TMEM14B: variants seen among roughly 807,000 people sequenced by gnomAD.
The protein encoded by TMEM14B is transmembrane protein 14B.
A neutral mutation model predicts 14.8 loss-of-function variants in TMEM14B; 9 were observed. The ratio of observed to expected loss-of-function variants is 0.61; its 90% CI spans 0.37 to 1.06. The LOEUF is 1.06. Among genes scored for constraint, TMEM14B ranks in the 50% least tolerant of loss-of-function variants. The pLI, the probability that TMEM14B is intolerant of heterozygous loss-of-function variation, is 0.01. For missense variants in TMEM14B, 128 were observed against 143.6 expected, an observed-to-expected ratio of 0.89 and a Z score of 0.56; for synonymous variants, 40 against 51.3, an observed-to-expected ratio of 0.78 and a Z score of 0.94.
chr6:10,757,820 GTC>G (rs370946090), downstream of TMEM14B, among the ~76,000 whole-genome samples: 72 of 152,112 alleles, frequency 4.7e-4, no homozygotes, highest in East Asian at 0.014. Flanking sequence ...GTGAAACCCT[GTC>G]TCTACTAAAA....
chr6:10,750,807 A>G (rs1771521030), intron 3 of TMEM14B, among the ~76,000 whole-genome samples: 1 of 152,046 alleles, frequency 6.6e-6, no homozygotes, highest in Non-Finnish European at 1.5e-5. Flanking sequence ...GGGAGAGTCT[A>G]AAAACAGGGT....
chr6:10,750,595 G>A (rs980676365), intron 3 of TMEM14B, among the ~76,000 whole-genome samples: 1 of 152,030 alleles, frequency 6.6e-6, no homozygotes, highest in Non-Finnish European at 1.5e-5. Flanking sequence ...TCAATCGGAC[G>A]AATTCCTGGG....
chr6:10,755,374 T>A, intron 5 of TMEM14B, 142 bp downstream of exon 5: 1 of 1,531,736 alleles, frequency 6.5e-7, no homozygotes, highest in South Asian at 1.2e-5. Context: ...TAATAGGAGA[T>A]GCTTCAAAAA....
At chr6:10,757,493 GA>G (rs1230941972), downstream of TMEM14B, among the ~76,000 whole-genome samples, 2 of 151,988 alleles carry the variant, frequency 1.3e-5, no homozygotes, top group Admixed American at 6.6e-5. Flanking sequence ...AAAAGAAGAA[GA>G]AAAAAAGTGG....
intron 1 of TMEM14B, among the ~76,000 whole-genome samples, chr6:10,748,817 A>G (rs1425136785): frequency 6.6e-6 from 1 of 152,184 alleles, no homozygotes; most frequent in Admixed American, 6.5e-5. Flanking sequence ...CAACATCCCT[A>G]CCACCCCTCA....
chr6:10,754,257 C>T (rs1441409096), intron 4 of TMEM14B, among the ~76,000 whole-genome samples: 2 of 152,196 alleles, frequency 1.3e-5, no homozygotes, highest in African/African-American at 4.8e-5. Context: ...TTTTATGCAT[C>T]CCTCTGCTTA....
downstream of TMEM14B, among the ~76,000 whole-genome samples, chr6:10,757,378 A>G (rs1476466814): frequency 2.6e-5 from 4 of 152,118 alleles, no homozygotes; most frequent in South Asian, 2.1e-4. Flanking sequence ...TCAGGCTGCT[A>G]TCAAACTCCT....
At chr6:10,748,256 G>T (rs1414192842) in intron 1 of TMEM14B, among the ~76,000 whole-genome samples, 2 of 151,638 alleles carry the variant, frequency 1.3e-5, no homozygotes, top group Non-Finnish European at 2.9e-5. Flanking sequence ...TTCTTTTTTT[G>T]GGGGGTGGGG....
rs780529163 is a variant in TMEM14B, at chr6:10,755,136, T to C, written c.203-6T>C. 9.9e-6 allele frequency: 16 copies of C among 1,613,222 alleles called. No individual in the cohort carries two copies. The highest frequency in any genetic ancestry group is 1.3e-5 in the Non-Finnish European group (15 of 1,179,984). On this transcript the variant is annotated splice_polypyrimidine_tract_variant and splice_region_variant and intron_variant, in intron 4 of 5. Coordinates refer to ENST00000379542, the MANE Select transcript of TMEM14B (RefSeq NM_030969.5). ...GAGTTTTGACCCTTCTTTGTATCTT[T>C]TTCAGCCGCTACATCTGTTACTTTT...
chr6:10,748,508 C>T (rs1235659451), intron 1 of TMEM14B, among the ~76,000 whole-genome samples: 1 of 152,226 alleles, frequency 6.6e-6, no homozygotes, highest in Admixed American at 6.5e-5. Context: ...CTGCCTGGGC[C>T]TCCCAAAGTA....
intron 3 of TMEM14B, 85 bp from the exon 4 acceptor site, chr6:10,751,048 C>T (rs1350986226): frequency 6.5e-7 from 1 of 1,540,850 alleles, no homozygotes; most frequent in Non-Finnish European, 8.9e-7. Context: ...TTGTGCTGTC[C>T]TTTGTAGGGC....
At chr6:10,748,688 G>A (rs1441735733) in intron 1 of TMEM14B, among the ~76,000 whole-genome samples, 1 of 152,098 alleles carries the variant, frequency 6.6e-6, no homozygotes, top group African/African-American at 2.4e-5. Flanking sequence ...TCTGACTTGA[G>A]TTTCCGTGTA....
At chr6:10,754,223 A>AAAT (rs761159035) in intron 4 of TMEM14B, among the ~76,000 whole-genome samples, 2 of 152,178 alleles carry the variant, frequency 1.3e-5, no homozygotes, top group Non-Finnish European at 2.9e-5. Flanking sequence ...CTGTCTCAAA[A>AAAT]AATAATAATA....
Position 10,749,286 on chromosome 6 carries a change from G to A in TMEM14B, c.23+18G>A, listed in dbSNP as rs763641528. 2.5e-6 allele frequency: 4 copies of A among 1,614,050 alleles called. No individual in the cohort carries two copies. In the South Asian group the frequency reaches 4.4e-5, roughly 18 times the overall value. ...TTCCCATTGTGAGTAGACAGTAAAT[G>A]GTTAGAGAGTAGCCAGGAGCTTCTG... On this transcript the variant is annotated intron_variant, in intron 2 of 5. Transcript: ENST00000379542.
chr6:10,754,146 G>A (rs1168289908), intron 4 of TMEM14B, among the ~76,000 whole-genome samples: 1 of 152,188 alleles, frequency 6.6e-6, no homozygotes, highest in East Asian at 1.9e-4. Context: ...CTTGAACCTG[G>A]GAGGTAGAGG....
In TMEM14B at chr6:10,749,286, G is replaced by C. The variant is rs763641528; in HGVS notation, c.23+18G>C. On this transcript the variant is annotated intron_variant, in intron 2 of 5. Coordinates refer to ENST00000379542, the MANE Select transcript of TMEM14B (RefSeq NM_030969.5). The stretch of plus-strand genomic sequence containing the variant: ...TTCCCATTGTGAGTAGACAGTAAAT[G>C]GTTAGAGAGTAGCCAGGAGCTTCTG... 4 of 1,614,050 alleles carry C rather than the reference G, an allele frequency of 2.5e-6. No individual in the cohort carries two copies. The South Asian group carries it at 4.4e-5, about 18-fold the overall frequency.
intron 2 of TMEM14B, 91 bp downstream of exon 2, chr6:10,749,359 T>C (rs1172040566): frequency 1.3e-6 from 2 of 1,513,558 alleles, no homozygotes; most frequent in Admixed American, 3.4e-5. Flanking sequence ...AAGAGTAGAC[T>C]GCCTGGGATG....
At position 10,755,167 on chromosome 6, in the gene TMEM14B, T is replaced by C; in HGVS notation, c.228T>C (p.Gly76=). ...FLAATSVTFV[G]VMGMRSYYYG... ...CCGCTACATCTGTTACTTTTGTTGG[T>C]GTTATGGGAATGAGATCCTACTACT... Residue 76 remains glycine, a synonymous_variant, in exon 5 of 6, where the codon GGT becomes GGC. Coordinates refer to ENST00000379542, the MANE Select transcript of TMEM14B (RefSeq NM_030969.5). 1 of 1,614,072 alleles carries C rather than the reference T, an allele frequency of 6.2e-7. No individual in the cohort carries two copies. Among genetic ancestry groups the C allele is most frequent in the South Asian group, 1.1e-5 (1 of 91,084 alleles).
At chr6:10,751,641 C>T (rs1278510266) in intron 4 of TMEM14B, among the ~76,000 whole-genome samples, 1 of 152,048 alleles carries the variant, frequency 6.6e-6, no homozygotes, top group East Asian at 1.9e-4. Context: ...GACCATTGGC[C>T]TCAGTATCAC....
Sources: gnomAD v4.1 joint callset for allele counts (sites outside exome capture counted in the v4.1 genomes callset) on GRCh38, gnomAD v4.1.1 for gene constraint, MANE v1.5 for transcripts, NCBI Gene and HGNC (gene_info 2026-07-23, HGNC 2026-07-21) for gene names.